CLASP2: variants seen among roughly 807,000 people sequenced by gnomAD.
CLASP2 encodes the protein CLIP-associating protein 2.
A neutral mutation model predicts 194.4 loss-of-function variants in CLASP2; 47 were observed. The observed-to-expected ratio is 0.24, with a 90% CI of 0.19 to 0.31. CLASP2 has a LOEUF of 0.31. Ranked by LOEUF, CLASP2 falls within the 10% of genes least tolerant of loss-of-function variation. The pLI is 1.00. For missense variants in CLASP2, 1,445 were observed against 1,823.6 expected, an observed-to-expected ratio of 0.79 and a Z score of 3.78; for synonymous variants, 619 against 633.5, an observed-to-expected ratio of 0.98 and a Z score of 0.34.
chr3:33,593,833 A>C (rs557499385), intron 20 of CLASP2, among the ~76,000 whole-genome samples: 3 of 152,258 alleles, frequency 2.0e-5, no homozygotes, highest in African/African-American at 7.2e-5. Flanking sequence ...CAGTGCGAGA[A>C]ATCATGTTTT....
At chr3:33,655,885 T>G (rs1196678875) in intron 7 of CLASP2, among the ~76,000 whole-genome samples, 1 of 152,182 alleles carries the variant, frequency 6.6e-6, no homozygotes, top group Non-Finnish European at 1.5e-5. Flanking sequence ...TGCTGAAATG[T>G]TAAAAGTTTA....
intron 18 of CLASP2, among the ~76,000 whole-genome samples, chr3:33,601,957 C>T (rs986809305): frequency 5.9e-5 from 9 of 151,588 alleles, no homozygotes; most frequent in African/African-American, 1.5e-4. Flanking sequence ...TGCATTCATA[C>T]TTAAATGACT....
At chr3:33,602,558 A>G in intron 18 of CLASP2, 2 of 763,334 alleles carry the variant, frequency 2.6e-6, no homozygotes. Flanking sequence ...AGAGCTTTGC[A>G]GTTCTCCCAG....
intron 34 of CLASP2, among the ~76,000 whole-genome samples, chr3:33,524,062 T>G (rs983999355): frequency 4.0e-5 from 6 of 151,888 alleles, no homozygotes; most frequent in Non-Finnish European, 8.8e-5. Flanking sequence ...AGAAAACAAA[T>G]AGCAACATGA....
chr3:33,688,879 C>T (rs941394129), intron 3 of CLASP2, among the ~76,000 whole-genome samples: 12 of 151,970 alleles, frequency 7.9e-5, no homozygotes, highest in African/African-American at 2.7e-4. Context: ...TTTATAGCTA[C>T]CTACCACACT....
chr3:33,501,897 A>C (rs2046935529), intron 37 of CLASP2, 129 bp from the exon 38 acceptor site: 10 of 640,934 alleles, frequency 1.6e-5, no homozygotes. Context: ...GTGCAGATCA[A>C]AGTTAACTTT....
chr3:33,506,928 G>C (rs557309380), intron 37 of CLASP2, among the ~76,000 whole-genome samples: 41 of 148,144 alleles, frequency 2.8e-4, no homozygotes, highest in Non-Finnish European at 1.5e-5. Context: ...TCTTTTTCAA[G>C]TTGATTAGAT....
chr3:33,617,081 T>C (rs958890572), intron 12 of CLASP2, among the ~76,000 whole-genome samples: 1 of 146,682 alleles, frequency 6.8e-6, no homozygotes, highest in African/African-American at 2.5e-5. Flanking sequence ...TTGTCTACAA[T>C]CTTAAAAAAA....
At chr3:33,715,790 A>C (rs1448694005) in intron 1 of CLASP2, among the ~76,000 whole-genome samples, 1 of 147,376 alleles carries the variant, frequency 6.8e-6, no homozygotes, top group African/African-American at 2.5e-5. Context: ...TTGTATGTTC[A>C]AAAGCTCCTA....
intron 27 of CLASP2, among the ~76,000 whole-genome samples, chr3:33,565,686 C>T (rs1195102408): frequency 6.6e-6 from 1 of 151,924 alleles, no homozygotes; most frequent in African/African-American, 2.4e-5. Flanking sequence ...GTGGCACATG[C>T]CTGTAATCCC....
At chr3:33,709,705 A>G (rs2092906998) in intron 1 of CLASP2, among the ~76,000 whole-genome samples, 2 of 152,190 alleles carry the variant, frequency 1.3e-5, no homozygotes, top group Non-Finnish European at 1.5e-5. Flanking sequence ...AATGAAACCC[A>G]TTTTAGATTT....
intron 37 of CLASP2, chr3:33,503,410 T>C (rs2047289898): frequency 6.6e-6 from 1 of 151,928 alleles, no homozygotes; most frequent in Admixed American, 6.6e-5. Context: ...GACAATTTTG[T>C]GTTAACTTTA....
chr3:33,538,768 T>C, intron 33 of CLASP2, 21 bp downstream of exon 33: 1 of 1,526,364 alleles, frequency 6.6e-7, no homozygotes, highest in Non-Finnish European at 8.8e-7. Flanking sequence ...GTCTGGAAAG[T>C]AAGGATATTA....
intron 13 of CLASP2, among the ~76,000 whole-genome samples, chr3:33,609,048 G>A (rs917711662): frequency 1.3e-5 from 2 of 152,170 alleles, no homozygotes; most frequent in African/African-American, 4.8e-5. Flanking sequence ...GGAAGGCTGA[G>A]GTGGGTGGAT....
At chr3:33,649,185 T>A (rs1575247693) in intron 7 of CLASP2, among the ~76,000 whole-genome samples, 1 of 152,210 alleles carries the variant, frequency 6.6e-6, no homozygotes, top group East Asian at 1.9e-4. Flanking sequence ...ACCATCTTCA[T>A]GTCTTTATTC....
chr3:33,648,566 CAAT>C (rs2082662945), intron 7 of CLASP2, among the ~76,000 whole-genome samples: 3 of 151,938 alleles, frequency 2.0e-5, no homozygotes, highest in Non-Finnish European at 4.4e-5. Context: ...TACCCACTTC[CAAT>C]AAGGTTATGG....
intron 23 of CLASP2, among the ~76,000 whole-genome samples, chr3:33,580,258 A>G (rs2065753460): frequency 6.6e-6 from 1 of 152,156 alleles, no homozygotes; most frequent in African/African-American, 2.4e-5. Context: ...AGAGAATGAG[A>G]AATTAACCAC....
chr3:33,518,017 A>G (rs1261127704), intron 34 of CLASP2, among the ~76,000 whole-genome samples: 1 of 152,236 alleles, frequency 6.6e-6, no homozygotes, highest in Non-Finnish European at 1.5e-5. Context: ...ATGAGTTAAA[A>G]ATGGTGATTA....
intron 9 of CLASP2, among the ~76,000 whole-genome samples, chr3:33,627,649 G>C (rs1049193898): frequency 1.3e-5 from 2 of 152,126 alleles, no homozygotes; most frequent in African/African-American, 2.4e-5. Context: ...AGCCAAAATA[G>C]ATAGACGTGG....
Sources: gnomAD v4.1 joint callset for allele counts (sites outside exome capture counted in the v4.1 genomes callset) on GRCh38, gnomAD v4.1.1 for gene constraint, MANE v1.5 for transcripts, NCBI Gene and HGNC (gene_info 2026-07-23, HGNC 2026-07-21) for gene names.